Variants in MAGI1 observed in about 807,000 individuals in gnomAD.
The protein encoded by MAGI1 is membrane associated guanylate kinase, WW and PDZ domain containing 1, also known as membrane-associated guanylate kinase, WW and PDZ domain-containing protein 1.
Under a neutral mutation model 139.9 loss-of-function variants are expected in MAGI1, and 58 were observed. The observed-to-expected ratio is 0.41, with a 90% CI of 0.34 to 0.52. The LOEUF (loss-of-function observed/expected upper bound fraction) is 0.52, where lower values mean the gene tolerates loss of function less well. Among genes scored for constraint, MAGI1 ranks in the 20% least tolerant of loss-of-function variants. MAGI1 has a pLI of 0.12. For missense variants in MAGI1, 1,874 were observed against 1,901.6 expected, an observed-to-expected ratio of 0.99 and a Z score of 0.27; for synonymous variants, 812 against 737.9, an observed-to-expected ratio of 1.10 and a Z score of -1.63.
chr3:65,797,691 G>C (rs769988428), intron 1 of MAGI1, among the ~76,000 whole-genome samples: 1 of 152,044 alleles, frequency 6.6e-6, no homozygotes, highest in Non-Finnish European at 1.5e-5. Flanking sequence ...ACTCCAGCTT[G>C]AGCAACACAG....
chr3:65,758,004 C>T (rs2036696312), intron 1 of MAGI1, among the ~76,000 whole-genome samples: 1 of 152,086 alleles, frequency 6.6e-6, no homozygotes, highest in African/African-American at 2.4e-5. Context: ...CTTGAGAGAC[C>T]CATTTCTGTG....
At chr3:65,516,815 C>T (rs1170442133) in intron 2 of MAGI1, among the ~76,000 whole-genome samples, 3 of 144,604 alleles carry the variant, frequency 2.1e-5, no homozygotes, top group African/African-American at 7.6e-5. Flanking sequence ...GCAAGCTCCG[C>T]CTCCCGGGTT....
At chr3:65,757,277 G>A (rs539338107) in intron 1 of MAGI1, among the ~76,000 whole-genome samples, 4 of 152,112 alleles carry the variant, frequency 2.6e-5, no homozygotes, top group Non-Finnish European at 5.9e-5. Flanking sequence ...TAGAAAAGAG[G>A]TTTTCTGAAA....
chr3:65,950,648 A>G (rs973056348), intron 1 of MAGI1, among the ~76,000 whole-genome samples: 12 of 152,278 alleles, frequency 7.9e-5, no homozygotes, highest in Non-Finnish European at 1.3e-4. Flanking sequence ...AAAAATTATC[A>G]TCTTTCCAAG....
intron 1 of MAGI1, among the ~76,000 whole-genome samples, chr3:65,917,110 A>C (rs2061945623): frequency 6.6e-6 from 1 of 152,230 alleles, no homozygotes; most frequent in African/African-American, 2.4e-5. Flanking sequence ...TAAAGAGAGA[A>C]ACATCTAGAA....
At chr3:65,530,836 TATACACACACACAC>T (rs2078675720) in intron 2 of MAGI1, among the ~76,000 whole-genome samples, 2 of 90,830 alleles carry the variant, frequency 2.2e-5, no homozygotes, top group African/African-American at 1.2e-4. Flanking sequence ...TATATATATA[TATACACACACACAC>T]ACACATATAT....
At chr3:66,017,679 G>T (rs561120242) in intron 1 of MAGI1, among the ~76,000 whole-genome samples, 1 of 152,170 alleles carries the variant, frequency 6.6e-6, no homozygotes, top group Non-Finnish European at 1.5e-5. Context: ...GATGGTGCAC[G>T]TGTGGCCCTC....
At position 65,847,932 on chromosome 3, in the gene MAGI1, G is replaced by C. The variant is rs555687411; in HGVS notation, c.313+190064C>G. ...CACCTGTAGTCCCGGCAACTTGAGA[G>C]ACTGGGGTTGGGGTATACCTTGAGT... On this transcript the variant is annotated intron_variant, in intron 1 of 22. Transcript: ENST00000402939. Among the ~76,000 whole-genome samples, 6 of 152,290 alleles carry C rather than the reference G, an allele frequency of 3.9e-5. No individual in the cohort carries two copies. In the South Asian group the frequency reaches 1.2e-3, roughly 32 times the overall value.
chr3:65,427,774 C>T (rs1190444066), intron 12 of MAGI1, among the ~76,000 whole-genome samples: 2 of 152,108 alleles, frequency 1.3e-5, no homozygotes, highest in African/African-American at 2.4e-5. Context: ...TGGAGAGGCA[C>T]GTGCAGGTAT....
chr3:65,651,842 T>G (rs539112880), intron 1 of MAGI1, among the ~76,000 whole-genome samples: 1 of 152,296 alleles, frequency 6.6e-6, no homozygotes, highest in Non-Finnish European at 1.5e-5. Flanking sequence ...CCCACTCATC[T>G]CAAAGTGACT....
intron 1 of MAGI1, among the ~76,000 whole-genome samples, chr3:65,695,001 C>A (rs1462327065): frequency 6.6e-6 from 1 of 152,056 alleles, no homozygotes; most frequent in East Asian, 1.9e-4. Flanking sequence ...TGCTCGTGCT[C>A]AAGGGAATAT....
intron 1 of MAGI1, among the ~76,000 whole-genome samples, chr3:65,755,739 A>G (rs1487804735): frequency 1.3e-5 from 2 of 152,070 alleles, no homozygotes; most frequent in Non-Finnish European, 2.9e-5. Context: ...GAGTAAGCCT[A>G]AAAAAAATTC....
intron 2 of MAGI1, among the ~76,000 whole-genome samples, chr3:65,520,082 G>T (rs2078083844): frequency 6.6e-6 from 1 of 152,172 alleles, no homozygotes; most frequent in East Asian, 1.9e-4. Flanking sequence ...AGCAAAATGA[G>T]TTGGCCATCT....
At chr3:65,494,775 G>A (rs1952305251) in intron 2 of MAGI1, among the ~76,000 whole-genome samples, 1 of 152,224 alleles carries the variant, frequency 6.6e-6, no homozygotes, top group South Asian at 2.1e-4. Flanking sequence ...ATCTGCCCAT[G>A]TGAATAACCG....
At chr3:66,025,174 T>C (rs2068184703) in intron 1 of MAGI1, among the ~76,000 whole-genome samples, 1 of 152,232 alleles carries the variant, frequency 6.6e-6, no homozygotes, top group African/African-American at 2.4e-5. Context: ...CTTATTATAT[T>C]ATAAAGTAAC....
intron 1 of MAGI1, among the ~76,000 whole-genome samples, chr3:65,795,167 T>A (rs1484310323): frequency 6.6e-6 from 1 of 152,230 alleles, no homozygotes; most frequent in African/African-American, 2.4e-5. Context: ...AAAGGACATT[T>A]ATGTTCAAAC....
At chr3:65,532,427 G>A (rs749748648) in intron 2 of MAGI1, among the ~76,000 whole-genome samples, 3 of 152,172 alleles carry the variant, frequency 2.0e-5, no homozygotes, top group African/African-American at 4.8e-5. Flanking sequence ...AGGGCCACAT[G>A]ATGCCCTGGA....
chr3:65,502,142 G>C (rs934652721), intron 2 of MAGI1, among the ~76,000 whole-genome samples: 1 of 152,164 alleles, frequency 6.6e-6, no homozygotes, highest in African/African-American at 2.4e-5. Flanking sequence ...ACCACGAATG[G>C]TGATTTTTAC....
chr3:65,626,200 T>A (rs983293982), intron 1 of MAGI1, among the ~76,000 whole-genome samples: 3 of 152,228 alleles, frequency 2.0e-5, no homozygotes, highest in African/African-American at 7.2e-5. Context: ...AAAAGCAACA[T>A]TCCAAAGGAG....
Sources: gnomAD v4.1 joint callset for allele counts (sites outside exome capture counted in the v4.1 genomes callset) on GRCh38, gnomAD v4.1.1 for gene constraint, MANE v1.5 for transcripts, NCBI Gene and HGNC (gene_info 2026-07-23, HGNC 2026-07-21) for gene names.